COL23A1: variants seen among roughly 807,000 people sequenced by gnomAD.
COL23A1 encodes the protein collagen type XXIII alpha 1 chain.
A neutral mutation model predicts 99.3 loss-of-function variants in COL23A1; 97 were observed. The ratio of observed to expected loss-of-function variants is 0.98; its 90% confidence interval spans 0.83 to 1.16. The LOEUF (loss-of-function observed/expected upper bound fraction) is 1.16, where lower values mean the gene tolerates loss of function less well. Among genes scored for constraint, COL23A1 ranks in the 50% most tolerant of loss-of-function variants. The probability of loss-of-function intolerance (pLI) is 0.00; values close to 1 mark genes in which losing one functional copy is unlikely to be tolerated. For missense variants in COL23A1, 762 were observed against 757.4 expected, an observed-to-expected ratio of 1.01 and a Z score of -0.07; for synonymous variants, 320 against 308.2, an observed-to-expected ratio of 1.04 and a Z score of -0.40.
chr5:178,571,883 C>T (rs1323214565), intron 1 of COL23A1, among the ~76,000 whole-genome samples: 1 of 152,022 alleles, frequency 6.6e-6, no homozygotes, highest in Non-Finnish European at 1.5e-5. Context: ...TCCTGGCTAA[C>T]ACGGTGAAAC....
At position 178,470,629 on chromosome 5, in the gene COL23A1, G is replaced by A. The variant is rs1302555520; in HGVS notation, c.361+90053C>T. Among the ~76,000 whole-genome samples, 4 of 152,192 alleles carry A rather than the reference G, an allele frequency of 2.6e-5. No homozygotes were observed. In the East Asian group the frequency reaches 7.7e-4, roughly 29 times the overall value. On this transcript the variant is annotated intron_variant, in intron 2 of 28. Coordinates refer to ENST00000390654, the MANE Select transcript of COL23A1 (RefSeq NM_173465.4). ...GGAGGGGATGGAAGCCAGCACGTGGGTCAAAGACGAGGCCATGGGGGAAAC... is the reference window on the plus strand; with the variant it reads ...GGAGGGGATGGAAGCCAGCACGTGGATCAAAGACGAGGCCATGGGGGAAAC...
intron 2 of COL23A1, among the ~76,000 whole-genome samples, chr5:178,352,862 C>T (rs1761406142): frequency 6.6e-6 from 1 of 152,220 alleles, no homozygotes; most frequent in African/African-American, 2.4e-5. Context: ...CCATCCTCCT[C>T]ACACCGAATA....
chr5:178,439,144 G>C lies in COL23A1; in HGVS notation c.361+121538C>G, dbSNP rs1766725873. 1 of 152,348 alleles carries C rather than the reference G, an allele frequency of 6.6e-6. No individual in the cohort carries two copies. Among genetic ancestry groups the C allele is most frequent in the South Asian group, 2.1e-4 (1 of 4,826 alleles). 9.4% of individuals were successfully genotyped at this position (152,348 alleles called of 1,614,324 possible). ...GTTTTCCAGGTGATTCAAAAGGGCA[G>C]CCAGGACTGGGAGCCACTCCCCTTA... is the stretch of plus-strand genomic sequence containing the variant. On this transcript the variant is annotated intron_variant, in intron 2 of 28. Coordinates refer to ENST00000390654, the MANE Select transcript of COL23A1 (RefSeq NM_173465.4). This position sits in a 1 kb window ranked among gnomAD's most constrained non-coding sequence, Gnocchi z 4.2.
At chr5:178,268,214 CCT>C (rs1253976365) in intron 7 of COL23A1, among the ~76,000 whole-genome samples, 1 of 152,232 alleles carries the variant, frequency 6.6e-6, no homozygotes, top group Non-Finnish European at 1.5e-5. Context: ...TGGTCCCTCC[CCT>C]GATTTTACCG....
At chr5:178,260,216 T>G (rs1413651943) in intron 11 of COL23A1, among the ~76,000 whole-genome samples, 1 of 152,252 alleles carries the variant, frequency 6.6e-6, no homozygotes, top group Non-Finnish European at 1.5e-5. Flanking sequence ...ACATGGACGC[T>G]GACATCAGCT....
intron 2 of COL23A1, among the ~76,000 whole-genome samples, chr5:178,416,041 C>T (rs1003368377): frequency 7.2e-5 from 11 of 152,252 alleles, no homozygotes; most frequent in Middle Eastern, 3.4e-3. Flanking sequence ...TCATGAGAGT[C>T]CCAAACATCA....
chr5:178,298,304 G>T (rs565091722), intron 3 of COL23A1, among the ~76,000 whole-genome samples: 1 of 152,292 alleles, frequency 6.6e-6, no homozygotes, highest in African/African-American at 2.4e-5. Flanking sequence ...TGGGCAAGCT[G>T]CTTGTTGTGT....
chr5:178,238,709 G>A lies in COL23A1; in HGVS notation c.1621-9C>T. The A allele has an allele frequency of 1.2e-6, 2 of 1,612,226 alleles. No individual in the cohort carries two copies. The highest frequency in any genetic ancestry group is 1.1e-5 in the South Asian group (1 of 91,002). On this transcript the variant is annotated splice_polypyrimidine_tract_variant and intron_variant, in intron 28 of 28. Transcript: ENST00000390654. ...GCTGGGCCTGTGGGTCACTGGAAAA[G>A]GAGGAAGAGACTGAAGGTGACGAGG...
chr5:178,423,398 T>A (rs921989058), intron 2 of COL23A1, among the ~76,000 whole-genome samples: 2 of 152,172 alleles, frequency 1.3e-5, no homozygotes, highest in Admixed American at 6.5e-5. Context: ...ATCATGAGAA[T>A]GAACCAGTGA....
chr5:178,293,024 G>C (rs892125749), intron 3 of COL23A1, among the ~76,000 whole-genome samples: 6 of 152,060 alleles, frequency 3.9e-5, no homozygotes, highest in South Asian at 2.1e-4. Context: ...TGACAGGAGG[G>C]GGGTCTGATG....
intron 1 of COL23A1, among the ~76,000 whole-genome samples, chr5:178,571,403 G>A (rs1195725597): frequency 6.6e-6 from 1 of 151,974 alleles, no homozygotes; most frequent in African/African-American, 2.4e-5. Context: ...AAAATACTTA[G>A]GGGAGCACCA....
chr5:178,462,942 G>C (rs1218833689), intron 2 of COL23A1, among the ~76,000 whole-genome samples: 1 of 152,208 alleles, frequency 6.6e-6, no homozygotes, highest in Non-Finnish European at 1.5e-5. Flanking sequence ...ACAGGAAGGC[G>C]GCGTTTGCTC....
At chr5:178,238,915 G>A (rs1764247916) in intron 28 of COL23A1, among the ~76,000 whole-genome samples, 1 of 152,162 alleles carries the variant, frequency 6.6e-6, no homozygotes, top group African/African-American at 2.4e-5. Context: ...GTGACCCACA[G>A]GATGGGTTAT....
intron 2 of COL23A1, among the ~76,000 whole-genome samples, chr5:178,347,949 C>T (rs964524084): frequency 4.0e-5 from 6 of 151,754 alleles, no homozygotes; most frequent in South Asian, 4.2e-4. Flanking sequence ...AATAGCCACA[C>T]GGACTAGTGA....
At chr5:178,265,160 C>A (rs1755810038) in intron 8 of COL23A1, among the ~76,000 whole-genome samples, 1 of 152,202 alleles carries the variant, frequency 6.6e-6, no homozygotes, top group African/African-American at 2.4e-5. Context: ...ACCTCTCTAG[C>A]AAACTGCACT....
intron 2 of COL23A1, among the ~76,000 whole-genome samples, chr5:178,435,967 C>T (rs574886599): frequency 1.3e-5 from 2 of 152,228 alleles, no homozygotes; most frequent in Non-Finnish European, 2.9e-5. Flanking sequence ...GGCAGCCACA[C>T]AGCGGTCATT....
At chr5:178,421,781 A>G (rs1298355249) in intron 2 of COL23A1, among the ~76,000 whole-genome samples, 3 of 152,242 alleles carry the variant, frequency 2.0e-5, no homozygotes, top group Admixed American at 2.0e-4. Context: ...AGGCATGAGA[A>G]TCGCTTGAAC....
chr5:178,428,049 A>G lies in COL23A1; in HGVS notation c.362-121130T>C, dbSNP rs1000944314. The stretch of plus-strand genomic sequence containing the variant: ...CCTGATCCAGGGAGGAAGGAGTATT[A>G]GGAAGCCAATTTGGCTCTGGTCCAA... On this transcript the variant is annotated intron_variant, in intron 2 of 28. Coordinates refer to ENST00000390654, the MANE Select transcript of COL23A1 (RefSeq NM_173465.4). This position sits in a 1 kb window ranked among gnomAD's most constrained non-coding sequence, Gnocchi z 5.0. Among the ~76,000 whole-genome samples the G allele has an allele frequency of 6.6e-6, 1 of 152,098 alleles. No homozygotes were observed. The highest frequency in any genetic ancestry group is 2.4e-5 in the African/African-American group (1 of 41,396).
intron 2 of COL23A1, among the ~76,000 whole-genome samples, chr5:178,523,179 C>T (rs201950835): frequency 0.027 from 1,420 of 52,666 alleles, 24 homozygotes; most frequent in African/African-American, 0.062. Flanking sequence ...TATATATATA[C>T]ACATATATAT....
Sources: gnomAD v4.1 joint callset for allele counts (sites outside exome capture counted in the v4.1 genomes callset) on GRCh38, gnomAD v4.1.1 for gene constraint, Gnocchi (gnomAD v3.1) non-coding constraint, MANE v1.5 for transcripts, NCBI Gene and HGNC (gene_info 2026-07-23, HGNC 2026-07-21) for gene names.